The following UGT1A3 variants were observed in gnomAD, a reference collection of about 807,000 sequenced individuals.
The protein encoded by UGT1A3 is UDP-glucuronosyltransferase 1A3.
In UGT1A3, 31 loss-of-function variants were observed where a neutral mutation model predicts 41.0. The ratio of observed to expected loss-of-function variants is 0.76; its 90% CI spans 0.57 to 1.02. The LOEUF (loss-of-function observed/expected upper bound fraction) is 1.02. Ranked by LOEUF, UGT1A3 falls within the 50% of genes least tolerant of loss-of-function variation. The pLI, the probability that UGT1A3 is intolerant of heterozygous loss-of-function variation, is 0.00. For synonymous variants in UGT1A3, 262 were observed against 257.6 expected, an observed-to-expected ratio of 1.02 and a Z score of -0.17; for missense variants, 737 against 671.0, an observed-to-expected ratio of 1.10 and a Z score of -1.09.
intron 2 of UGT1A3, among the ~76,000 whole-genome samples, chr2:233,767,377 A>C (rs897397722): frequency 2.0e-5 from 3 of 152,190 alleles, no homozygotes; most frequent in Non-Finnish European, 4.4e-5. Context: ...ACTATGATCC[A>C]CCACACTCAG....
intron 1 of UGT1A3, among the ~76,000 whole-genome samples, chr2:233,747,054 T>C (rs1171712187): frequency 6.6e-6 from 1 of 151,960 alleles, no homozygotes; most frequent in Non-Finnish European, 1.5e-5. Flanking sequence ...AAGACAATGA[T>C]TGGTTAATCG....
intron 1 of UGT1A3, chr2:233,755,226 G>C: frequency 1.0e-6 from 1 of 975,544 alleles, no homozygotes; most frequent in South Asian, 1.3e-5. Flanking sequence ...ACCCTCGGAC[G>C]AGGCCTACCG....
chr2:233,749,292 A>T (rs1326160420), intron 1 of UGT1A3, among the ~76,000 whole-genome samples: 1 of 151,992 alleles, frequency 6.6e-6, no homozygotes, highest in Admixed American at 6.5e-5. Flanking sequence ...GTAGTTATTC[A>T]ATTATAAAAT....
At chr2:233,751,247 A>G (rs1694675595) in intron 1 of UGT1A3, among the ~76,000 whole-genome samples, 1 of 151,954 alleles carries the variant, frequency 6.6e-6, no homozygotes, top group South Asian at 2.1e-4. Flanking sequence ...TTGGACTTGC[A>G]TGGGGCCTGT....
At chr2:233,733,900 C>G (rs1176536983) in intron 1 of UGT1A3, among the ~76,000 whole-genome samples, 1 of 151,704 alleles carries the variant, frequency 6.6e-6, no homozygotes, top group Non-Finnish European at 1.5e-5. Context: ...CTGTTTGTAC[C>G]TCTCTGGTAG....
chr2:233,760,460 T>C (rs2125984411), intron 1 of UGT1A3: 1 of 1,614,176 alleles, frequency 6.2e-7, no homozygotes. Flanking sequence ...CATGAAATAG[T>C]TGTCCTAGCA....
intron 1 of UGT1A3, among the ~76,000 whole-genome samples, chr2:233,759,584 C>T (rs1003659930): frequency 4.0e-5 from 6 of 149,692 alleles, no homozygotes; most frequent in Non-Finnish European, 3.0e-5. Flanking sequence ...TACCCCAGCA[C>T]GCCCCCCACC....
chr2:233,731,166 G>T (rs1000792478), intron 1 of UGT1A3, among the ~76,000 whole-genome samples: 13 of 151,756 alleles, frequency 8.6e-5, no homozygotes, highest in Admixed American at 3.3e-4. Flanking sequence ...CAAACGACAT[G>T]ATTTTTTTAT....
At position 233,729,327 on chromosome 2, in the gene UGT1A3, G is replaced by A. The variant is rs199842881; in HGVS notation, c.201G>A (p.Met67Ile). Residue 67 changes from methionine (M) to isoleucine (I), a missense_variant, in exon 1 of 5, where the codon ATG becomes ATA. By Grantham distance (10) the Met-to-Ile change is conservative (BLOSUM62 1). Coordinates refer to ENST00000482026, the MANE Select transcript of UGT1A3 (RefSeq NM_019093.4). Reference protein sequence around the residue: ...QAVVLTPEVNMHIKEENFFTL... With the variant: ...QAVVLTPEVNIHIKEENFFTL... ...TGGTCCTCACCCCAGAGGTGAATATGCACATCAAAGAAGAGAACTTTTTCA... is the reference window on the plus strand; with the variant it reads ...TGGTCCTCACCCCAGAGGTGAATATACACATCAAAGAAGAGAACTTTTTCA... 117 of 1,614,124 alleles carry A rather than the reference G, an allele frequency of 7.2e-5. No individual in the cohort carries two copies. The highest frequency in any genetic ancestry group is 9.6e-5 in the Non-Finnish European group (113 of 1,180,042).
At position 233,767,864 on chromosome 2, in the gene UGT1A3, A is replaced by G. The variant is rs748591879; in HGVS notation, c.1015A>G (p.Thr339Ala). 51 of 1,614,144 alleles carry G rather than the reference A, an allele frequency of 3.2e-5. No individual in the cohort carries two copies. Among genetic ancestry groups the G allele is most frequent in the Non-Finnish European group, 3.9e-5 (46 of 1,180,042 alleles). Residue 339 changes from threonine (T) to alanine (A), a missense_variant, in exon 3 of 5, where the codon ACT (threonine) becomes GCT (alanine). Transcript: ENST00000482026. ...CCCCTCCCAGGTCCTGTGGCGGTAC[A>G]CTGGAACCCGACCATCGAATCTTGC... ...KIPQTVLWRYTGTRPSNLANN... is the reference protein window; with the variant it reads ...KIPQTVLWRYAGTRPSNLANN...
intron 1 of UGT1A3, chr2:233,761,153 T>C (rs772088902): frequency 6.2e-7 from 1 of 1,614,188 alleles, no homozygotes; most frequent in Non-Finnish European, 8.5e-7. Flanking sequence ...CTATCCCAGG[T>C]GTGTATTGGA....
chr2:233,759,815 C>T (rs1383098545), intron 1 of UGT1A3, among the ~76,000 whole-genome samples: 3 of 152,074 alleles, frequency 2.0e-5, no homozygotes, highest in Non-Finnish European at 4.4e-5. Flanking sequence ...CAGGCAGTAC[C>T]GGGGGAGCTG....
At chr2:233,759,644 C>A (rs34916116) in intron 1 of UGT1A3, among the ~76,000 whole-genome samples, 5,494 of 124,518 alleles carry the variant, frequency 0.044, 131 homozygotes, top group Non-Finnish European at 0.061. Flanking sequence ...TAGCATGCTT[C>A]ACGATTTCTA....
In UGT1A3 at chr2:233,769,851, C is replaced by A; in HGVS notation, c.1307+1412C>A. On this transcript the variant is annotated intron_variant, in intron 4 of 4. Coordinates refer to ENST00000482026, the MANE Select transcript of UGT1A3 (RefSeq NM_019093.4). The surrounding 1 kb of genome is among the most constrained non-coding windows in gnomAD (Gnocchi z 4.4). ...GCAACCTGGGCAACAGAGTGAGACC[C>A]TGTCTCAAAAAAAAAAAAAAAAATG... The A allele has an allele frequency of 2.1e-6, 1 of 479,202 alleles. No homozygotes were observed. Among genetic ancestry groups the A allele is most frequent in the Non-Finnish European group, 3.3e-6 (1 of 301,676 alleles). The allele number at this position is 479,202 out of a possible 1,614,324, so 29.7% of individuals were successfully genotyped here. A position where few individuals can be genotyped will look rare whatever the true frequency, so the allele number is the denominator to read the frequency against.
At chr2:233,741,652 T>A (rs1179014053) in intron 1 of UGT1A3, 1 of 151,932 alleles carries the variant, frequency 6.6e-6, no homozygotes, top group Non-Finnish European at 1.5e-5. Context: ...GCCAGCTGAC[T>A]GCCATGTTCC....
At chr2:233,764,255 A>G (rs1306141437) in intron 1 of UGT1A3, among the ~76,000 whole-genome samples, 1 of 152,114 alleles carries the variant, frequency 6.6e-6, no homozygotes, top group Non-Finnish European at 1.5e-5. Context: ...TTCAGTTAAT[A>G]TGTTGCTTCA....
At chr2:233,739,325 C>T (rs894619424) in intron 1 of UGT1A3, among the ~76,000 whole-genome samples, 5 of 152,154 alleles carry the variant, frequency 3.3e-5, no homozygotes, top group African/African-American at 1.2e-4. Flanking sequence ...GAGAAGAAGG[C>T]CACAGTCCTT....
intron 1 of UGT1A3, among the ~76,000 whole-genome samples, chr2:233,751,504 G>A (rs879429871): frequency 1.3e-5 from 2 of 152,170 alleles, no homozygotes; most frequent in Non-Finnish European, 2.9e-5. Flanking sequence ...ATTTGGGAGG[G>A]GCCAGAGGGC....
At chr2:233,730,331 T>C (rs1430644008) in intron 1 of UGT1A3, among the ~76,000 whole-genome samples, 1 of 152,142 alleles carries the variant, frequency 6.6e-6, no homozygotes, top group African/African-American at 2.4e-5. Flanking sequence ...GACACTACGT[T>C]TGGAACTGAT....
Sources: gnomAD v4.1 joint callset for allele counts (sites outside exome capture counted in the v4.1 genomes callset) on GRCh38, gnomAD v4.1.1 for gene constraint, Gnocchi (gnomAD v3.1) non-coding constraint, MANE v1.5 for transcripts, NCBI Gene and HGNC (gene_info 2026-07-23, HGNC 2026-07-21) for gene names.